Variants in FBXO36 observed in about 807,000 individuals in gnomAD.
FBXO36 encodes the protein F-box protein 36.
In FBXO36, 18 loss-of-function variants were observed where a neutral mutation model predicts 17.0. The observed-to-expected ratio is 1.06, with a 90% CI of 0.73 to 1.57. The LOEUF (loss-of-function observed/expected upper bound fraction) is 1.57, where lower values mean the gene tolerates loss of function less well. FBXO36 is among the 40% of genes most tolerant of loss of function. The probability of loss-of-function intolerance (pLI) is 0.00; values close to 1 mark genes in which losing one functional copy is unlikely to be tolerated. For missense variants in FBXO36, 229 were observed against 221.9 expected (o/e 1.03, Z -0.20); for synonymous variants, 83 against 85.3 (o/e 0.97, Z 0.15).
chr2:229,963,060 C>A (rs1031181392), intron 1 of FBXO36, among the ~76,000 whole-genome samples: 1 of 151,726 alleles, frequency 6.6e-6, no homozygotes, highest in African/African-American at 2.4e-5. Context: ...TCCCCTATTG[C>A]TTGACCCAGG....
At chr2:229,967,222 G>A (rs1012994394) in intron 1 of FBXO36, among the ~76,000 whole-genome samples, 6 of 152,166 alleles carry the variant, frequency 3.9e-5, no homozygotes, top group African/African-American at 1.4e-4. Flanking sequence ...TTTGCACATT[G>A]ATTTTGTATC....
chr2:229,961,338 T>TC (rs2077119737), intron 1 of FBXO36, among the ~76,000 whole-genome samples: 1 of 152,154 alleles, frequency 6.6e-6, no homozygotes, highest in South Asian at 2.1e-4. Context: ...CAATTTTTTT[T>TC]CCCAAGATTT....
intron 1 of FBXO36, among the ~76,000 whole-genome samples, chr2:229,974,891 A>T (rs2077199401): frequency 6.6e-6 from 1 of 152,142 alleles, no homozygotes; most frequent in Non-Finnish European, 1.5e-5. Context: ...CTAATGTTGA[A>T]GCTGTAGCCC....
chr2:230,003,503 TGTATC>T (rs2077370907), intron 3 of FBXO36, among the ~76,000 whole-genome samples: 1 of 151,052 alleles, frequency 6.6e-6, no homozygotes, highest in Admixed American at 6.7e-5. Flanking sequence ...TTGTGTTTGT[TGTATC>T]AAAAGGGCCT....
intron 1 of FBXO36, among the ~76,000 whole-genome samples, chr2:229,939,701 T>C (rs904784919): frequency 6.6e-6 from 1 of 152,186 alleles, no homozygotes; most frequent in Admixed American, 6.5e-5. Context: ...TATTACTTAC[T>C]GTCTTCCACA....
intron 1 of FBXO36, among the ~76,000 whole-genome samples, chr2:229,939,464 A>G (rs912659172): frequency 1.3e-5 from 2 of 151,736 alleles, no homozygotes; most frequent in Non-Finnish European, 2.9e-5. Context: ...AAAAAAAATT[A>G]GCCGGACATG....
chr2:229,977,311 G>C (rs2077214098), intron 2 of FBXO36: 1 of 151,748 alleles, frequency 6.6e-6, no homozygotes, highest in Non-Finnish European at 1.5e-5. Context: ...CATCTGTTCT[G>C]AGTTGGGTTT....
intron 2 of FBXO36, among the ~76,000 whole-genome samples, chr2:229,988,828 G>GTTTTT (rs11321192): frequency 1.5e-5 from 2 of 129,362 alleles, no homozygotes; most frequent in African/African-American, 2.9e-5. Flanking sequence ...ATGCTGGCCT[G>GTTTTT]TTTTTTTTTT....
chr2:229,974,911 C>T (rs1381647591), intron 1 of FBXO36, among the ~76,000 whole-genome samples: 1 of 152,162 alleles, frequency 6.6e-6, no homozygotes, highest in Non-Finnish European at 1.5e-5. Flanking sequence ...CCCAGTGTGA[C>T]TGTATTTCCC....
intron 1 of FBXO36, among the ~76,000 whole-genome samples, chr2:229,928,164 A>AT (rs1010835245): frequency 6.6e-6 from 1 of 152,216 alleles, no homozygotes; most frequent in Non-Finnish European, 1.5e-5. Context: ...ATGAGAGGAA[A>AT]TGTGGTTAAA....
intron 2 of FBXO36, among the ~76,000 whole-genome samples, chr2:229,993,741 TG>T (rs1447252656): frequency 6.6e-6 from 1 of 152,140 alleles, no homozygotes; most frequent in African/African-American, 2.4e-5. Flanking sequence ...TAGCTGTACA[TG>T]TCCTAAAACT....
At chr2:229,948,912 C>T (rs1364854260) in intron 1 of FBXO36, among the ~76,000 whole-genome samples, 4 of 152,198 alleles carry the variant, frequency 2.6e-5, no homozygotes, top group Non-Finnish European at 5.9e-5. Flanking sequence ...CAGCTCACTG[C>T]AGCCTTCGCC....
At chr2:229,933,516 G>C (rs2076949610) in intron 1 of FBXO36, among the ~76,000 whole-genome samples, 1 of 152,120 alleles carries the variant, frequency 6.6e-6, no homozygotes, top group Non-Finnish European at 1.5e-5. Context: ...CACAAATATA[G>C]TGAGAACCAG....
chr2:229,932,754 CT>C (rs2076945346), intron 1 of FBXO36: 2 of 159,468 alleles, frequency 1.3e-5, no homozygotes, highest in South Asian at 2.9e-4. Context: ...TTTTTCTTTT[CT>C]TTTCTTTTCT....
chr2:229,960,834 C>T (rs1344398422), intron 1 of FBXO36, among the ~76,000 whole-genome samples: 1 of 152,104 alleles, frequency 6.6e-6, no homozygotes, highest in African/African-American at 2.4e-5. Flanking sequence ...TTAGGCTGGG[C>T]GCAGTGGCTC....
At chr2:229,968,048 T>C (rs1436727317) in intron 1 of FBXO36, among the ~76,000 whole-genome samples, 2 of 152,146 alleles carry the variant, frequency 1.3e-5, no homozygotes, top group Non-Finnish European at 2.9e-5. Context: ...ATTGCCTCAA[T>C]TTCAGAGCCT....
intron 1 of FBXO36, among the ~76,000 whole-genome samples, chr2:229,961,619 C>T (rs550153766): frequency 6.6e-6 from 1 of 152,268 alleles, no homozygotes; most frequent in East Asian, 1.9e-4. Flanking sequence ...TGTGATCCGC[C>T]TGCCTCGGCC....
chr2:229,940,270 C>T (rs1240613554), intron 1 of FBXO36, among the ~76,000 whole-genome samples: 1 of 151,942 alleles, frequency 6.6e-6, no homozygotes, highest in South Asian at 2.1e-4. Flanking sequence ...TTTGTTTAAC[C>T]TTGTTTCTTT....
intron 1 of FBXO36, among the ~76,000 whole-genome samples, chr2:229,931,114 A>T (rs2076936600): frequency 6.6e-6 from 1 of 152,140 alleles, no homozygotes; most frequent in Non-Finnish European, 1.5e-5. Flanking sequence ...TAAGTGGCAT[A>T]TGGCACTTTT....
Sources: gnomAD v4.1 joint callset for allele counts (sites outside exome capture counted in the v4.1 genomes callset) on GRCh38, gnomAD v4.1.1 for gene constraint, MANE v1.5 for transcripts, NCBI Gene and HGNC (gene_info 2026-07-23, HGNC 2026-07-21) for gene names.